LRRC1: variants seen among roughly 807,000 people sequenced by gnomAD.
LRRC1 encodes leucine-rich repeat-containing protein 1.
Under a neutral mutation model 69.9 loss-of-function variants are expected in LRRC1, and 28 were observed. The ratio of observed to expected loss-of-function variants is 0.40; its 90% CI spans 0.30 to 0.55. The LOEUF is 0.55. Ranked by LOEUF, LRRC1 falls within the 20% of genes least tolerant of loss-of-function variation. The pLI, the probability that LRRC1 is intolerant of heterozygous loss-of-function variation, is 0.47. For synonymous variants in LRRC1, 236 were observed against 240.2 expected (o/e 0.98, Z 0.16); for missense variants, 498 against 609.0 (o/e 0.82, Z 1.92).
At chr6:53,891,150 C>CT (rs1242216087) in intron 4 of LRRC1, among the ~76,000 whole-genome samples, 1 of 152,070 alleles carries the variant, frequency 6.6e-6, no homozygotes. Flanking sequence ...AGAAGAAATA[C>CT]TTCATGTATT....
intron 2 of LRRC1, among the ~76,000 whole-genome samples, chr6:53,852,696 T>G (rs764153610): frequency 2.6e-5 from 4 of 152,162 alleles, no homozygotes; most frequent in Non-Finnish European, 5.9e-5. Context: ...CTGATAGTTA[T>G]TTTGAGAGGA....
intron 1 of LRRC1, among the ~76,000 whole-genome samples, chr6:53,813,536 G>GTTT (rs373976626): frequency 0.087 from 10,677 of 122,880 alleles, 1,040 homozygotes; most frequent in East Asian, 0.23. Context: ...TGGCTCAGTG[G>GTTT]TTTTTTTTTT....
At chr6:53,810,335 T>C (rs996209631) in intron 1 of LRRC1, among the ~76,000 whole-genome samples, 3 of 152,194 alleles carry the variant, frequency 2.0e-5, no homozygotes, top group Non-Finnish European at 4.4e-5. Context: ...AAAAAAGCTT[T>C]TACGACTGGG....
rs117042249 is a variant in LRRC1 at position 53,916,334 on chromosome 6, C to G, written c.1106+2365C>G. On this transcript the variant is annotated intron_variant, in intron 11 of 13. Transcript: ENST00000370888. ...TTTGAATTTTGTACTTTGTATGTAT[C>G]TATTACCCAATCCAAATAATTAAAA... Among the ~76,000 whole-genome samples the G allele has an allele frequency of 3.6e-3, 542 of 152,190 alleles. 7 individuals carry two copies. In the East Asian group the frequency reaches 0.041, roughly 11 times the overall value.
chr6:53,814,697 A>C (rs1764900703), intron 1 of LRRC1, among the ~76,000 whole-genome samples: 1 of 152,088 alleles, frequency 6.6e-6, no homozygotes, highest in Non-Finnish European at 1.5e-5. Flanking sequence ...CTAACGTTAA[A>C]TTTTCTTATT....
At chr6:53,848,315 C>T (rs1437629587) in intron 2 of LRRC1, among the ~76,000 whole-genome samples, 1 of 152,132 alleles carries the variant, frequency 6.6e-6, no homozygotes, top group Non-Finnish European at 1.5e-5. Flanking sequence ...AAATAAATTG[C>T]CTTCTACACA....
intron 1 of LRRC1, among the ~76,000 whole-genome samples, chr6:53,814,225 G>A (rs191609055): frequency 6.6e-6 from 1 of 152,146 alleles, no homozygotes; most frequent in Admixed American, 6.5e-5. Context: ...TATTTTCTTA[G>A]TTTTTAAACT....
chr6:53,895,526 T>C (rs186927808), intron 4 of LRRC1, among the ~76,000 whole-genome samples: 30 of 152,268 alleles, frequency 2.0e-4, no homozygotes, highest in Non-Finnish European at 4.3e-4. Context: ...GTGTTCTGTG[T>C]GCTCAGAAAT....
At chr6:53,875,151 G>C (rs948296544) in intron 2 of LRRC1, among the ~76,000 whole-genome samples, 2 of 152,178 alleles carry the variant, frequency 1.3e-5, no homozygotes, top group African/African-American at 2.4e-5. Flanking sequence ...GCTCTGTAGA[G>C]ATGTTAATGC....
At chr6:53,797,656 T>C (rs1167692951) in intron 1 of LRRC1, among the ~76,000 whole-genome samples, 1 of 152,196 alleles carries the variant, frequency 6.6e-6, no homozygotes, top group Non-Finnish European at 1.5e-5. Context: ...TATAATTTGT[T>C]TGGAAGCACA....
intron 2 of LRRC1, among the ~76,000 whole-genome samples, chr6:53,877,416 G>A (rs979253934): frequency 6.6e-6 from 1 of 152,160 alleles, no homozygotes; most frequent in Non-Finnish European, 1.5e-5. Flanking sequence ...CGTTACTTAT[G>A]CAAGTTTCTT....
At chr6:53,864,403 A>T (rs555895520) in intron 2 of LRRC1, among the ~76,000 whole-genome samples, 6 of 152,084 alleles carry the variant, frequency 3.9e-5, no homozygotes, top group African/African-American at 1.5e-4. Context: ...TTGTCTCTCC[A>T]TATGCATTCC....
intron 1 of LRRC1, among the ~76,000 whole-genome samples, chr6:53,823,138 C>T (rs1765161979): frequency 6.6e-6 from 1 of 152,186 alleles, no homozygotes; most frequent in Non-Finnish European, 1.5e-5. Flanking sequence ...GCCTTTCACT[C>T]AGACATGTCA....
At chr6:53,820,914 C>T (rs1431769399) in intron 1 of LRRC1, among the ~76,000 whole-genome samples, 1 of 152,178 alleles carries the variant, frequency 6.6e-6, no homozygotes, top group African/African-American at 2.4e-5. Flanking sequence ...ACTATGGGAA[C>T]ACTATGGGCT....
chr6:53,902,112 A>G (rs1768077266), intron 8 of LRRC1, among the ~76,000 whole-genome samples: 1 of 152,186 alleles, frequency 6.6e-6, no homozygotes, highest in Admixed American at 6.5e-5. Flanking sequence ...TATCACCAGG[A>G]CGTCAAGTCT....
chr6:53,913,786 G>A (rs779849341), intron 10 of LRRC1, 68 bp from the exon 11 acceptor site: 1 of 956,628 alleles, frequency 1.0e-6, no homozygotes, highest in East Asian at 2.4e-5. Context: ...TGGTAAACAA[G>A]GTACTCTGAT....
intron 1 of LRRC1, among the ~76,000 whole-genome samples, chr6:53,798,664 C>A (rs576762447): frequency 4.6e-5 from 7 of 152,342 alleles, no homozygotes; most frequent in Admixed American, 6.5e-5. Flanking sequence ...CAGGCGTGAG[C>A]CACCATGCCC....
chr6:53,878,381 A>G (rs965545591), intron 2 of LRRC1, among the ~76,000 whole-genome samples: 1 of 152,214 alleles, frequency 6.6e-6, no homozygotes, highest in Non-Finnish European at 1.5e-5. Context: ...ATAATTATAC[A>G]ACTCACCATA....
intron 10 of LRRC1, among the ~76,000 whole-genome samples, chr6:53,912,223 G>T (rs1249852076): frequency 6.6e-6 from 1 of 152,076 alleles, no homozygotes; most frequent in East Asian, 1.9e-4. Context: ...ATGATCTTAG[G>T]GTTCTTCATG....
Sources: gnomAD v4.1 joint callset for allele counts (sites outside exome capture counted in the v4.1 genomes callset) on GRCh38, gnomAD v4.1.1 for gene constraint, MANE v1.5 for transcripts, NCBI Gene and HGNC (gene_info 2026-07-23, HGNC 2026-07-21) for gene names.